NOB1: variants seen among roughly 807,000 people sequenced by gnomAD.
NOB1 encodes NIN1 (RPN12) binding protein 1 homolog.
NOB1 carries 44 observed loss-of-function variants against 44.8 expected under a neutral mutation model. The observed-to-expected ratio is 0.98, with a 90% CI of 0.77 to 1.26. The LOEUF (loss-of-function observed/expected upper bound fraction) is 1.26. Ranked by LOEUF, NOB1 falls within the 50% of genes most tolerant of loss-of-function variation. NOB1 has a pLI of 0.00. For synonymous variants in NOB1, 238 were observed against 218.7 expected, an observed-to-expected ratio of 1.09 and a Z score of -0.78; for missense variants, 560 against 544.8, an observed-to-expected ratio of 1.03 and a Z score of -0.28.
chr16:69,743,888 C>T (rs1400796462), intron 8 of NOB1, among the ~76,000 whole-genome samples: 1 of 152,128 alleles, frequency 6.6e-6, no homozygotes, highest in Non-Finnish European at 1.5e-5. Flanking sequence ...ACTGTGGTTA[C>T]ATAAGATAAA....
intron 8 of NOB1, among the ~76,000 whole-genome samples, chr16:69,743,899 G>A (rs1019324289): frequency 6.6e-6 from 1 of 152,198 alleles, no homozygotes. Flanking sequence ...ATAAGATAAA[G>A]TCCTTGTTTC....
intron 2 of NOB1, among the ~76,000 whole-genome samples, chr16:69,753,802 T>C (rs184724990): frequency 2.0e-5 from 3 of 152,130 alleles, no homozygotes; most frequent in Non-Finnish European, 4.4e-5. Flanking sequence ...ATTCTTTAAT[T>C]TTCTTTATTT....
intron 2 of NOB1, among the ~76,000 whole-genome samples, chr16:69,753,964 C>A (rs1001685025): frequency 2.0e-5 from 3 of 152,186 alleles, no homozygotes; most frequent in Admixed American, 6.5e-5. Flanking sequence ...CACCACCACG[C>A]CCAGCTAATT....
intron 3 of NOB1, among the ~76,000 whole-genome samples, chr16:69,751,919 G>C (rs55768779): frequency 0.013 from 2,024 of 152,236 alleles, 46 homozygotes; most frequent in African/African-American, 0.046. Flanking sequence ...AAAATTAGCC[G>C]GGTGTGGTCG....
intron 2 of NOB1, among the ~76,000 whole-genome samples, 189 bp downstream of exon 2, chr16:69,754,405 G>A (rs746996277): frequency 2.6e-5 from 4 of 152,136 alleles, no homozygotes; most frequent in Admixed American, 6.5e-5. Flanking sequence ...TGCTATGCCC[G>A]AGAGCATACA....
At chr16:69,743,889 A>G (rs2038406211) in intron 8 of NOB1, among the ~76,000 whole-genome samples, 1 of 152,230 alleles carries the variant, frequency 6.6e-6, no homozygotes, top group Non-Finnish European at 1.5e-5. Flanking sequence ...CTGTGGTTAC[A>G]TAAGATAAAG....
In NOB1 at chr16:69,754,904, G is replaced by T; in HGVS notation, c.7C>A (p.Pro3Thr). 6.3e-7 allele frequency: 1 copy of T among 1,585,460 alleles called. No individual in the cohort carries two copies. The highest frequency in any genetic ancestry group is 2.3e-5 in the East Asian group (1 of 43,664). Residue 3 changes from proline to threonine, a missense_variant, in exon 1 of 9, where the codon CCA becomes ACA. Physicochemically the swap from Pro to Thr is conservative, Grantham distance 38. Coordinates refer to ENST00000268802, the MANE Select transcript of NOB1 (RefSeq NM_014062.3). MA[P>T]VEHVVADAGA... ...GCATCCGCCACAACGTGCTCCACTGGAGCCATGTTGGCTGCGTGAGAGGGG... is the reference window on the plus strand; with the variant it reads ...GCATCCGCCACAACGTGCTCCACTGTAGCCATGTTGGCTGCGTGAGAGGGG...
intron 2 of NOB1, among the ~76,000 whole-genome samples, chr16:69,753,667 G>A (rs1465662505): frequency 6.6e-6 from 1 of 152,292 alleles, no homozygotes; most frequent in East Asian, 1.9e-4. Context: ...ACAAACAGAG[G>A]AGGTAACATC....
intron 6 of NOB1, chr16:69,748,599 T>A: frequency 1.9e-6 from 1 of 531,546 alleles, no homozygotes. Flanking sequence ...GGGCCAAATA[T>A]ACTCATTGCT....
chr16:69,749,849 G>A (rs1489108911), intron 3 of NOB1, among the ~76,000 whole-genome samples: 1 of 151,436 alleles, frequency 6.6e-6, no homozygotes, highest in East Asian at 2.0e-4. Context: ...GTGGTGGCAG[G>A]CACCTGTAAT....
rs775844742 is a variant in NOB1, at chr16:69,744,878, G to A, written c.964C>T (p.Leu322Phe). 2 of 1,612,920 alleles carry A rather than the reference G, an allele frequency of 1.2e-6. No homozygotes were observed. Among genetic ancestry groups the A allele is most frequent in the Non-Finnish European group, 1.7e-6 (2 of 1,179,914 alleles). The change falls in exon 8 of 9, where the codon CTC (leucine) becomes TTC (phenylalanine). Residue 322 changes from leucine to phenylalanine, a missense_variant. Physicochemically the swap from Leu to Phe is conservative, Grantham distance 22. Coordinates refer to ENST00000268802, the MANE Select transcript of NOB1 (RefSeq NM_014062.3). ...RNPKVLNPRG[L>F]RYSLPTPKGG... ...CTGGGAGAGGCGCCACTCACCCGGA[G>A]GCCGCGGGGGTTCAGCACCTTGGGG...
chr16:69,754,726 C>A lies in NOB1; in HGVS notation c.64G>T (p.Asp22Tyr). ...GAFLRHAALQ[D>Y]IGKNIYTIRE... ...ATGGTGTAAATGTTCTTCCCGATGT[C>A]CTGCGGACAGAACGCCCCAGCTCAG... Residue 22 changes from aspartate to tyrosine, a missense_variant and splice_region_variant, in exon 2 of 9, where the codon GAC becomes TAC. Asp to Tyr is a radical substitution (Grantham distance 160, BLOSUM62 -3). Transcript: ENST00000268802. 4 of 1,614,172 alleles carry A rather than the reference C, an allele frequency of 2.5e-6. No individual in the cohort carries two copies. Among genetic ancestry groups the A allele is most frequent in the Non-Finnish European group, 3.4e-6 (4 of 1,180,046 alleles).
intron 6 of NOB1, 109 bp from the exon 7 acceptor site, chr16:69,748,438 G>T: frequency 9.8e-7 from 1 of 1,025,196 alleles, no homozygotes; most frequent in Non-Finnish European, 1.4e-6. Context: ...CTTGGCTTTT[G>T]CGAAGGAAAC....
chr16:69,750,048 G>A (rs1405765175), intron 3 of NOB1, among the ~76,000 whole-genome samples: 1 of 145,850 alleles, frequency 6.9e-6, no homozygotes, highest in African/African-American at 2.5e-5. Context: ...ACCCAGGCCG[G>A]AGGGGAGTGG....
rs117237090 is a variant in NOB1, at chr16:69,744,010, G to A, written c.969+863C>T. 6.5e-4 allele frequency among the ~76,000 whole-genome samples: 99 copies of A among 152,342 alleles called. 2 individuals are homozygous for A. The East Asian group carries it at 0.015, about 23-fold the overall frequency. On this transcript the variant is annotated intron_variant, in intron 8 of 8. Transcript: ENST00000268802. ...CAGACGTGGTACATGATTAACCCTG[G>A]GAAATCCAGGTGACGGGTAAACAGG... is the stretch of plus-strand genomic sequence containing the variant.
At chr16:69,753,161 G>A (rs1388824193) in intron 2 of NOB1, among the ~76,000 whole-genome samples, 1 of 152,166 alleles carries the variant, frequency 6.6e-6, no homozygotes, top group Non-Finnish European at 1.5e-5. Flanking sequence ...GGTGGAGGCT[G>A]CAGTGAGCCA....
chr16:69,748,883 G>A (rs780329682), intron 6 of NOB1, 35 bp downstream of exon 6: 6 of 1,531,798 alleles, frequency 3.9e-6, no homozygotes, highest in South Asian at 2.5e-5. Flanking sequence ...TGCCGATGAC[G>A]TGTGTGACAC....
intron 2 of NOB1, among the ~76,000 whole-genome samples, chr16:69,753,284 T>C (rs2151755105): frequency 6.6e-6 from 1 of 152,322 alleles, no homozygotes; most frequent in Middle Eastern, 3.4e-3. Flanking sequence ...GCTCAACTTG[T>C]AATTGTAGTA....
intron 4 of NOB1, 64 bp from the exon 5 acceptor site, chr16:69,749,402 G>C (rs964122400): frequency 7.2e-5 from 113 of 1,574,430 alleles, no homozygotes; most frequent in Non-Finnish European, 9.0e-5. Context: ...TCAGGTCACA[G>C]ATGAAATCAC....
Sources: allele counts gnomAD v4.1 joint callset (sites outside exome capture counted in the v4.1 genomes callset), GRCh38; gene constraint gnomAD v4.1.1; transcripts MANE v1.5; gene names NCBI Gene and HGNC (gene_info 2026-07-23, HGNC 2026-07-21).